Variants in CNPY3 observed in about 807,000 individuals in gnomAD.
CNPY3 encodes protein canopy homolog 3.
A neutral mutation model predicts 32.0 loss-of-function variants in CNPY3; 20 were observed. The observed-to-expected ratio is 0.63, with a 90% CI of 0.44 to 0.91. CNPY3 has a LOEUF of 0.91. Ranked by LOEUF, CNPY3 falls within the 40% of genes least tolerant of loss-of-function variation. The probability of loss-of-function intolerance (pLI) is 0.00; values close to 1 mark genes in which losing one functional copy is unlikely to be tolerated. For synonymous variants in CNPY3, 138 were observed against 142.9 expected (o/e 0.97, Z 0.24); for missense variants, 299 against 340.8 (o/e 0.88, Z 0.97).
At position 42,929,522 on chromosome 6, in the gene CNPY3, G is replaced by C. The variant is rs1197043392; in HGVS notation, c.-49G>C. The C allele has an allele frequency of 6.6e-7, 1 of 1,504,114 alleles. No individual in the cohort carries two copies. The highest frequency in any genetic ancestry group is 1.4e-5 in the African/African-American group (1 of 72,406). 93.2% of individuals were successfully genotyped at this position (1,504,114 alleles called of 1,614,324 possible). On this transcript the variant is annotated 5_prime_UTR_variant, in exon 1 of 6. Transcript: ENST00000372836. ...GAGGGGAAACTGCTCCGCGCGCGCCGCGGGAGGAGGAACCGCCCGGTCCTT... is the reference window on the plus strand; with the variant it reads ...GAGGGGAAACTGCTCCGCGCGCGCCCCGGGAGGAGGAACCGCCCGGTCCTT...
chr6:42,928,735 TAAAAG>T (rs1767534012), upstream of CNPY3, among the ~76,000 whole-genome samples: 2 of 152,154 alleles, frequency 1.3e-5, no homozygotes, highest in African/African-American at 2.4e-5. Context: ...AATAGGGCAG[TAAAAG>T]GGGCTGGGAT....
chr6:42,932,559 TGAGA>T (rs1767907138), intron 1 of CNPY3, among the ~76,000 whole-genome samples: 2 of 152,042 alleles, frequency 1.3e-5, no homozygotes, highest in South Asian at 4.2e-4. Flanking sequence ...TTGATGGGTA[TGAGA>T]GAGAAAGGAT....
upstream of CNPY3, among the ~76,000 whole-genome samples, chr6:42,928,241 C>A (rs777649276): frequency 5.9e-5 from 9 of 152,190 alleles, no homozygotes; most frequent in Non-Finnish European, 1.3e-4. Flanking sequence ...CCTACCTCGG[C>A]CTTCCAAAGT....
At chr6:42,938,269 A>G (rs1768373767) in intron 5 of CNPY3, 62 bp downstream of exon 5, 7 of 1,304,332 alleles carry the variant, frequency 5.4e-6, no homozygotes, top group Non-Finnish European at 7.8e-6. Context: ...CCCTTGGGGG[A>G]GGTGGGTAGG....
chr6:42,928,653 A>G (rs1202035675), upstream of CNPY3, among the ~76,000 whole-genome samples: 14 of 152,108 alleles, frequency 9.2e-5, no homozygotes, highest in African/African-American at 3.1e-4. Context: ...GTTGCTGGGG[A>G]AGCGGAAGGG....
intron 2 of CNPY3, among the ~76,000 whole-genome samples, chr6:42,935,222 A>G (rs1010107410): frequency 6.6e-6 from 1 of 152,212 alleles, no homozygotes; most frequent in Non-Finnish European, 1.5e-5. Flanking sequence ...TTATTTTGCT[A>G]GGTACAAATA....
intron 5 of CNPY3, 87 bp from the exon 6 acceptor site, chr6:42,938,481 C>A: frequency 7.8e-7 from 1 of 1,286,452 alleles, no homozygotes; most frequent in Non-Finnish European, 1.1e-6. Context: ...CCAGTTGCTA[C>A]TCCCACGGCT....
In CNPY3 at chr6:42,938,993, A is replaced by G. The variant is rs1768429301; in HGVS notation, c.*202A>G. On this transcript the variant is annotated 3_prime_UTR_variant, in exon 6 of 6. Transcript: ENST00000372836. ...CCCACGCCGTCCTTTCCCCTCCCCA[A>G]GTGTTTCTCTCCTGACCCAGGGTTC... 1 of 1,356,744 alleles carries G rather than the reference A, an allele frequency of 7.4e-7. No homozygotes were observed. The highest frequency in any genetic ancestry group is 9.5e-7 in the Non-Finnish European group (1 of 1,054,214). The allele number at this position is 1,356,744 out of a possible 1,614,324, so 84.0% of individuals were successfully genotyped here.
chr6:42,934,389 A>T, intron 1 of CNPY3, 86 bp from the exon 2 acceptor site: 1 of 1,558,554 alleles, frequency 6.4e-7, no homozygotes, highest in Non-Finnish European at 8.8e-7. Flanking sequence ...CTAGGAAAGG[A>T]TGCCCACCTG....
intron 3 of CNPY3, 146 bp downstream of exon 3, chr6:42,935,816 C>G: frequency 1.0e-6 from 1 of 959,058 alleles, no homozygotes; most frequent in Non-Finnish European, 1.5e-6. Context: ...CGTTTGTGCT[C>G]CTCCCCTCTT....
chr6:42,929,822 C>G, intron 1 of CNPY3, 101 bp downstream of exon 1: 1 of 1,338,482 alleles, frequency 7.5e-7, no homozygotes, highest in South Asian at 1.4e-5. Flanking sequence ...CCGAGCTCTG[C>G]AGGGTGTCTT....
upstream of CNPY3, among the ~76,000 whole-genome samples, chr6:42,928,326 T>TG (rs34224541): frequency 0.33 from 50,147 of 151,032 alleles, 9,061 homozygotes; most frequent in South Asian, 0.43. Context: ...ATTTTTGAGA[T>TG]GGGGGGGGTG....
chr6:42,936,473 C>T (rs1768241798), intron 3 of CNPY3, among the ~76,000 whole-genome samples: 1 of 152,146 alleles, frequency 6.6e-6, no homozygotes, highest in African/African-American at 2.4e-5. Flanking sequence ...TAGTATGCGG[C>T]TGGAAACGAA....
In CNPY3 at chr6:42,937,731, C is replaced by A. The variant is rs1581717045; in HGVS notation, c.387C>A (p.Thr129=). Reference sequence around the variant, plus strand: ...GCTTCTTCCAGGGCATGTCAGAGACCTTTGAGACATTACACAACCTGGTAC... The same window carrying A: ...GCTTCTTCCAGGGCATGTCAGAGACATTTGAGACATTACACAACCTGGTAC... The part of the protein sequence containing the change: ...SNRFAKGMSE[T]FETLHNLVHK... The change falls in exon 4 of 6, where the codon ACC becomes ACA. Residue 129 remains threonine, a synonymous_variant. Transcript: ENST00000372836. 1 of 1,613,986 alleles carries A rather than the reference C, an allele frequency of 6.2e-7. No individual in the cohort carries two copies. Among genetic ancestry groups the A allele is most frequent in the Admixed American group, 1.7e-5 (1 of 59,986 alleles).
At chr6:42,936,073 C>G (rs1312681881) in intron 3 of CNPY3, among the ~76,000 whole-genome samples, 1 of 133,996 alleles carries the variant, frequency 7.5e-6, no homozygotes, top group Admixed American at 7.0e-5. Context: ...ACAGCACCTC[C>G]CACAACCCCG....
intron 2 of CNPY3, among the ~76,000 whole-genome samples, chr6:42,934,964 A>G (rs1380476976): frequency 1.3e-5 from 2 of 152,200 alleles, no homozygotes; most frequent in Non-Finnish European, 2.9e-5. Context: ...TCCCGGGTTC[A>G]AGAGATTTTC....
intron 3 of CNPY3, among the ~76,000 whole-genome samples, chr6:42,936,622 A>G (rs1768253831): frequency 1.3e-5 from 2 of 152,122 alleles, no homozygotes; most frequent in African/African-American, 4.8e-5. Context: ...TGCAACCTCC[A>G]CCTTCCAGAT....
Position 42,939,155 on chromosome 6 carries a change from C to T in CNPY3, c.*364C>T, listed in dbSNP as rs1768440694. On this transcript the variant is annotated 3_prime_UTR_variant, in exon 6 of 6. Coordinates refer to ENST00000372836, the MANE Select transcript of CNPY3 (RefSeq NM_006586.5). The stretch of plus-strand genomic sequence containing the variant: ...TCCCTCAGTCCTCCCCAACAGGGTA[C>T]TAGGACTGCAGCCCCCTGTAGCTCC... 1 of 1,056,328 alleles carries T rather than the reference C, an allele frequency of 9.5e-7. No homozygotes were observed. Among genetic ancestry groups the T allele is most frequent in the Non-Finnish European group, 1.1e-6 (1 of 875,540 alleles). 65.4% of individuals were successfully genotyped at this position (1,056,328 alleles called of 1,614,324 possible).
Position 42,939,271 on chromosome 6 carries a change from G to A in CNPY3, c.*480G>A. 1 of 986,730 alleles carries A rather than the reference G, an allele frequency of 1.0e-6. No homozygotes were observed. The highest frequency in any genetic ancestry group is 1.2e-6 in the Non-Finnish European group (1 of 830,980). The allele number at this position is 986,730 out of a possible 1,614,324, so 61.1% of individuals were successfully genotyped here. A position where few individuals can be genotyped will look rare whatever the true frequency, so the allele number is the denominator to read the frequency against. On this transcript the variant is annotated 3_prime_UTR_variant, in exon 6 of 6. Coordinates refer to ENST00000372836, the MANE Select transcript of CNPY3 (RefSeq NM_006586.5). ...AAAATGTTCTGGTTCTGATTTCTGA[G>A]TCCTCTGCAGCCCTCAGAGGTGCCC... is the stretch of plus-strand genomic sequence containing the variant.
Sources: allele counts gnomAD v4.1 joint callset (sites outside exome capture counted in the v4.1 genomes callset), GRCh38; gene constraint gnomAD v4.1.1; transcripts MANE v1.5; gene names NCBI Gene and HGNC (gene_info 2026-07-23, HGNC 2026-07-21).